STX17: variants seen among roughly 807,000 people sequenced by gnomAD.
STX17 encodes syntaxin 17.
In STX17, 29 loss-of-function variants were observed where a neutral mutation model predicts 35.9. The observed-to-expected ratio is 0.81, with a 90% CI of 0.60 to 1.10. The LOEUF is 1.10. STX17 is among the 50% of genes least tolerant of loss of function. The pLI is 0.00. For synonymous variants in STX17, 92 were observed against 118.3 expected, an observed-to-expected ratio of 0.78 and a Z score of 1.44; for missense variants, 312 against 352.3, an observed-to-expected ratio of 0.89 and a Z score of 0.92.
intron 3 of STX17, among the ~76,000 whole-genome samples, chr9:99,950,269 A>G (rs1829566923): frequency 6.6e-6 from 1 of 151,970 alleles, no homozygotes; most frequent in Non-Finnish European, 1.5e-5. Context: ...AGAAATAGGC[A>G]ATCATACCTT....
intron 4 of STX17, among the ~76,000 whole-genome samples, chr9:99,959,688 T>TGGGCCCAGGCAGTCCTCCC (rs1294893541): frequency 2.6e-5 from 4 of 152,086 alleles, no homozygotes; most frequent in Non-Finnish European, 5.9e-5. Flanking sequence ...CTTGAACTCC[T>TGGGCCCAGGCAGTCCTCCC]GGGCCCAGGC....
chr9:99,952,888 G>A (rs1305660609), intron 4 of STX17, among the ~76,000 whole-genome samples: 2 of 143,140 alleles, frequency 1.4e-5, no homozygotes, highest in African/African-American at 5.1e-5. Context: ...TGGGGTAGGG[G>A]GAGGGGGGAG....
intron 2 of STX17, among the ~76,000 whole-genome samples, chr9:99,919,973 A>G (rs552060963): frequency 1.3e-5 from 2 of 152,372 alleles, no homozygotes; most frequent in South Asian, 2.1e-4. Flanking sequence ...ATCTGTGATT[A>G]CAATGAAAGT....
intron 6 of STX17, among the ~76,000 whole-genome samples, chr9:99,960,697 C>T (rs1228168998): frequency 6.6e-6 from 1 of 152,336 alleles, no homozygotes; most frequent in Non-Finnish European, 1.5e-5. Context: ...CCGCCTCAGC[C>T]TCCCAAAGTT....
chr9:99,910,042 G>A (rs1828628052), intron 1 of STX17, among the ~76,000 whole-genome samples: 1 of 152,090 alleles, frequency 6.6e-6, no homozygotes. Flanking sequence ...AGACCAGCCT[G>A]GCCAACATGG....
intron 4 of STX17, among the ~76,000 whole-genome samples, chr9:99,959,294 G>T (rs532193849): frequency 5.0e-4 from 76 of 152,004 alleles, no homozygotes; most frequent in Non-Finnish European, 9.4e-4. Flanking sequence ...TGTAATTCTA[G>T]CATTTTGGGA....
chr9:99,948,844 A>G (rs920933977), intron 3 of STX17, among the ~76,000 whole-genome samples: 1 of 152,170 alleles, frequency 6.6e-6, no homozygotes, highest in Non-Finnish European at 1.5e-5. Flanking sequence ...GGACAGACAT[A>G]TGTACAAATT....
chr9:99,952,160 A>C (rs985832566), intron 4 of STX17, among the ~76,000 whole-genome samples: 1 of 152,106 alleles, frequency 6.6e-6, no homozygotes, highest in African/African-American at 2.4e-5. Context: ...GAAAAGGTGG[A>C]GTATAAGTAA....
intron 4 of STX17, among the ~76,000 whole-genome samples, chr9:99,959,456 C>CT (rs35078503): frequency 0.27 from 30,163 of 111,050 alleles, 4,562 homozygotes; most frequent in Non-Finnish European, 0.34. Flanking sequence ...ATGGATAAAT[C>CT]TTTTTTTTTT....
intron 3 of STX17, among the ~76,000 whole-genome samples, chr9:99,936,312 A>C (rs1294309387): frequency 6.6e-6 from 1 of 152,182 alleles, no homozygotes; most frequent in Non-Finnish European, 1.5e-5. Context: ...GTATCGTTTT[A>C]TATTCCCACC....
At chr9:99,916,430 T>TTC (rs1564057786) in intron 2 of STX17, among the ~76,000 whole-genome samples, 107 of 80,736 alleles carry the variant, frequency 1.3e-3, no homozygotes, top group Middle Eastern at 8.8e-3. Flanking sequence ...TTTATTTATT[T>TTC]ATTCATTCAT....
intron 3 of STX17, among the ~76,000 whole-genome samples, chr9:99,940,777 G>A (rs1023174177): frequency 1.3e-5 from 2 of 152,206 alleles, no homozygotes; most frequent in Admixed American, 6.5e-5. Flanking sequence ...CACCGCACCC[G>A]GCCTAGAATT....
intron 6 of STX17, among the ~76,000 whole-genome samples, chr9:99,964,359 ATGT>A (rs1246673902): frequency 6.6e-6 from 1 of 152,122 alleles, no homozygotes; most frequent in Non-Finnish European, 1.5e-5. Flanking sequence ...ACTTAATTCA[ATGT>A]TCTTTAAAAT....
At chr9:99,914,485 G>A (rs150152816) in intron 1 of STX17, among the ~76,000 whole-genome samples, 34 of 152,292 alleles carry the variant, frequency 2.2e-4, no homozygotes, top group African/African-American at 7.9e-4. Context: ...ACACTAGTAG[G>A]AAACTACTGG....
chr9:99,930,993 T>C (rs572377843), intron 3 of STX17, among the ~76,000 whole-genome samples: 17 of 152,186 alleles, frequency 1.1e-4, no homozygotes, highest in Non-Finnish European at 1.8e-4. Context: ...TTTTCGTTTT[T>C]TGAGATGGAG....
chr9:99,960,273 T>A, intron 6 of STX17, 118 bp downstream of exon 6: 1 of 1,037,688 alleles, frequency 9.6e-7, no homozygotes, highest in Non-Finnish European at 1.4e-6. Context: ...AGACTGGTAT[T>A]AAGCCATAGA....
chr9:99,906,732 T>C (rs1279139597), intron 1 of STX17, 26 bp downstream of exon 1: 2 of 151,916 alleles, frequency 1.3e-5, no homozygotes, highest in Admixed American at 6.5e-5. Context: ...GAGGCCGCCT[T>C]TGGGGGCGTC....
chr9:99,917,884 T>G (rs1277905403), intron 2 of STX17, among the ~76,000 whole-genome samples: 1 of 152,070 alleles, frequency 6.6e-6, no homozygotes, highest in African/African-American at 2.4e-5. Context: ...GATAGAGGTT[T>G]TTGTTTTGTT....
chr9:99,959,234 T>C (rs1829779258), intron 4 of STX17, among the ~76,000 whole-genome samples: 1 of 152,150 alleles, frequency 6.6e-6, no homozygotes, highest in Non-Finnish European at 1.5e-5. Flanking sequence ...TTTAAATGAC[T>C]GTGTAGATTA....
Sources: gnomAD v4.1 joint callset for allele counts (sites outside exome capture counted in the v4.1 genomes callset) on GRCh38, gnomAD v4.1.1 for gene constraint, MANE v1.5 for transcripts, NCBI Gene and HGNC (gene_info 2026-07-23, HGNC 2026-07-21) for gene names.